The following PRIM2 variants were observed in gnomAD, a reference collection of about 807,000 sequenced individuals.
PRIM2 encodes the protein DNA primase subunit 2, also known as DNA primase large subunit.
Under a neutral mutation model 67.3 loss-of-function variants are expected in PRIM2, and 39 were observed. The observed-to-expected ratio is 0.58, with a 90% CI of 0.45 to 0.76. PRIM2 has a LOEUF of 0.76. Among genes scored for constraint, PRIM2 ranks in the 30% least tolerant of loss-of-function variants. PRIM2 has a pLI of 0.00. For synonymous variants in PRIM2, 143 were observed against 198.7 expected (o/e 0.72, Z 2.36); for missense variants, 398 against 598.7 (o/e 0.66, Z 3.50).
intron 12 of PRIM2, among the ~76,000 whole-genome samples, chr6:57,606,811 A>G (rs1174096201): frequency 3.9e-5 from 6 of 152,232 alleles, no homozygotes; most frequent in Non-Finnish European, 8.8e-5. Context: ...AATTAATGAC[A>G]GCATATTTCA....
At chr6:57,406,983 T>C (rs1770914265) in intron 7 of PRIM2, among the ~76,000 whole-genome samples, 1 of 150,550 alleles carries the variant, frequency 6.6e-6, no homozygotes, top group Admixed American at 6.6e-5. Context: ...AATAAGGTAA[T>C]GATCTAGAAA....
chr6:57,364,789 A>T (rs1372037639), intron 5 of PRIM2, among the ~76,000 whole-genome samples: 1 of 152,120 alleles, frequency 6.6e-6, no homozygotes, highest in Admixed American at 6.6e-5. Context: ...CAGAGCAAAA[A>T]TGGCATTAGT....
the PRIM2 span, among the ~76,000 whole-genome samples, chr6:57,290,311 T>C: frequency 6.6e-6 from 1 of 152,136 alleles, no homozygotes; most frequent in Non-Finnish European, 1.5e-5. Flanking sequence ...CTAACTATCC[T>C]AAATATATAT....
At chr6:57,461,407 T>G (rs902101723) in intron 7 of PRIM2, among the ~76,000 whole-genome samples, 1 of 152,222 alleles carries the variant, frequency 6.6e-6, no homozygotes, top group Non-Finnish European at 1.5e-5. Context: ...TAAATCATCC[T>G]CGCTCTGACA....
the PRIM2 span, among the ~76,000 whole-genome samples, chr6:57,291,959 C>T: frequency 1.3e-5 from 2 of 152,134 alleles, no homozygotes; most frequent in African/African-American, 4.8e-5. Flanking sequence ...CCCTCTCTTA[C>T]CACTTGTATT....
At chr6:57,298,317 C>A in the PRIM2 span, among the ~76,000 whole-genome samples, 22 of 152,196 alleles carry the variant, frequency 1.4e-4, no homozygotes, top group East Asian at 4.1e-3. Context: ...GCCAAGATTG[C>A]GCCATTGCAC....
At position 57,507,461 on chromosome 6, in the gene PRIM2, T is replaced by C. The variant is rs1554347317; in HGVS notation, c.761+7T>C. On this transcript the variant is annotated splice_region_variant and intron_variant, in intron 8 of 13. Coordinates refer to ENST00000615550, the MANE Select transcript of PRIM2 (RefSeq NM_000947.5). ...CTCTGCTCAATCACCTCAGGTAATATAAGGGCACAGCCTTGTTATGCTTAT... is the reference window on the plus strand; with the variant it reads ...CTCTGCTCAATCACCTCAGGTAATACAAGGGCACAGCCTTGTTATGCTTAT... 33 of 1,483,106 alleles carry C rather than the reference T, an allele frequency of 2.2e-5. No homozygotes were observed. In the Admixed American group the frequency reaches 6.1e-4, roughly 27 times the overall value. The allele number at this position is 1,483,106 out of a possible 1,614,324, so 91.9% of individuals were successfully genotyped here.
chr6:57,436,392 A>G (rs1772015080), intron 7 of PRIM2, among the ~76,000 whole-genome samples: 1 of 152,212 alleles, frequency 6.6e-6, no homozygotes, highest in Non-Finnish European at 1.5e-5. Context: ...TGCAGATGCC[A>G]TCAATCATGA....
chr6:57,276,944 CAAAT>C, the PRIM2 span, among the ~76,000 whole-genome samples: 1 of 149,542 alleles, frequency 6.7e-6, no homozygotes, highest in Non-Finnish European at 1.5e-5. Context: ...TTGCGTGTCT[CAAAT>C]AAGTCAAAGA....
At chr6:57,567,415 G>A (rs1489841925) in intron 10 of PRIM2, among the ~76,000 whole-genome samples, 9 of 152,270 alleles carry the variant, frequency 5.9e-5, no homozygotes, top group Non-Finnish European at 8.8e-5. Flanking sequence ...GTAGGCAAAT[G>A]TAAGTGTTCT....
intron 7 of PRIM2, chr6:57,434,833 T>A (rs1169348969): frequency 6.6e-6 from 1 of 152,186 alleles, no homozygotes; most frequent in Non-Finnish European, 1.5e-5. Flanking sequence ...CCAGGCTGGA[T>A]GGCACAATCT....
chr6:57,639,113 A>G (rs1182457527), intron 13 of PRIM2, among the ~76,000 whole-genome samples: 2 of 152,208 alleles, frequency 1.3e-5, no homozygotes, highest in Non-Finnish European at 2.9e-5. Flanking sequence ...TCAAAACTGC[A>G]CAACTACATG....
intron 7 of PRIM2, among the ~76,000 whole-genome samples, chr6:57,416,376 G>T (rs2127367940): frequency 6.6e-6 from 1 of 152,164 alleles, no homozygotes; most frequent in Non-Finnish European, 1.5e-5. Flanking sequence ...AAACGCATGT[G>T]CTATTATTTA....
intron 8 of PRIM2, among the ~76,000 whole-genome samples, chr6:57,517,592 G>A (rs1774512797): frequency 1.3e-5 from 2 of 152,080 alleles, no homozygotes; most frequent in African/African-American, 4.8e-5. Flanking sequence ...ATCTGTATTT[G>A]ATAGTGTAGT....
In PRIM2 at chr6:57,320,487, G is replaced by C; in HGVS notation, c.185G>C (p.Ser62Thr). The C allele has an allele frequency of 6.2e-7, 1 of 1,608,540 alleles. No homozygotes were observed. The highest frequency in any genetic ancestry group is 8.5e-7 in the Non-Finnish European group (1 of 1,178,254). The change falls in exon 3 of 14, where the codon AGC becomes ACC. Residue 62 changes from serine to threonine, a missense_variant. Physicochemically the swap from Ser to Thr is moderately conservative, Grantham distance 58. Coordinates refer to ENST00000615550, the MANE Select transcript of PRIM2 (RefSeq NM_000947.5). ...AAATCAGTTGAAAATCTTGGAGTGAGCTATGTGAAAGGAACTGAACAATAC... is the reference window on the plus strand; with the variant it reads ...AAATCAGTTGAAAATCTTGGAGTGACCTATGTGAAAGGAACTGAACAATAC... ...LLKSVENLGV[S>T]YVKGTEQYQS...
intron 7 of PRIM2, among the ~76,000 whole-genome samples, chr6:57,410,778 A>G (rs1487586587): frequency 2.0e-5 from 3 of 152,110 alleles, no homozygotes; most frequent in African/African-American, 7.2e-5. Flanking sequence ...GTTTAATAGA[A>G]GTGATGAGAG....
chr6:57,531,918 T>G (rs1774900162), intron 8 of PRIM2, among the ~76,000 whole-genome samples: 1 of 152,244 alleles, frequency 6.6e-6, no homozygotes, highest in Non-Finnish European at 1.5e-5. Context: ...GTCAGGCTCT[T>G]TAACAAAAAT....
chr6:57,250,881 T>A, the PRIM2 span, among the ~76,000 whole-genome samples: 3 of 152,316 alleles, frequency 2.0e-5, no homozygotes, highest in South Asian at 6.2e-4. Flanking sequence ...AGCACTGATA[T>A]GACATCCAAA....
At chr6:57,416,777 T>C (rs569564319) in intron 7 of PRIM2, among the ~76,000 whole-genome samples, 1 of 152,294 alleles carries the variant, frequency 6.6e-6, no homozygotes, top group South Asian at 2.1e-4. Flanking sequence ...TTAAACCTCA[T>C]GGACCCATCT....
Sources: allele counts gnomAD v4.1 joint callset (sites outside exome capture counted in the v4.1 genomes callset), GRCh38; gene constraint gnomAD v4.1.1; transcripts MANE v1.5; gene names NCBI Gene and HGNC (gene_info 2026-07-23, HGNC 2026-07-21).